SMIM27: variants seen among roughly 807,000 people sequenced by gnomAD.
SMIM27 encodes the protein TOPORS antisense RNA 1 (non-protein coding).
A neutral mutation model predicts 1.8 loss-of-function variants in SMIM27; 3 were observed. That is an observed-to-expected ratio of 1.65 (90% CI 0.75 to 4.28). The LOEUF is 4.28. Among genes scored for constraint, SMIM27 ranks in the 30% most tolerant of loss-of-function variants. SMIM27 has a pLI of 0.02. For synonymous variants in SMIM27, 19 were observed against 13.9 expected (o/e 1.37, Z -0.82); for missense variants, 63 against 37.0 (o/e 1.70, Z -1.83).
Position 32,552,370 on chromosome 9 carries a change from C to T in SMIM27, c.-65C>T, listed in dbSNP as rs1304859451. The T allele has an allele frequency of 7.5e-6, 12 of 1,595,988 alleles. No individual in the cohort carries two copies. In the Admixed American group the frequency reaches 8.7e-5, roughly 12 times the overall value. On this transcript the variant is annotated 5_prime_UTR_variant, in exon 1 of 2. Transcript: ENST00000692500. Reference sequence around the variant, plus strand: ...GCTGCTGGCGCCTGGCAGCCACCGCCTGGGAGGTTACTGTAAGGCCCGCAG... The same window carrying T: ...GCTGCTGGCGCCTGGCAGCCACCGCTTGGGAGGTTACTGTAAGGCCCGCAG...
At chr9:32,557,234 C>T (rs1194493749), downstream of SMIM27, among the ~76,000 whole-genome samples, 1 of 146,728 alleles carries the variant, frequency 6.8e-6, no homozygotes, top group Non-Finnish European at 1.5e-5. Context: ...GCGCAAACTC[C>T]GCACACTGCA....
chr9:32,557,351 T>C (rs1235167629), downstream of SMIM27, among the ~76,000 whole-genome samples: 1 of 151,056 alleles, frequency 6.6e-6, no homozygotes, highest in Admixed American at 6.6e-5. Flanking sequence ...TTTTTTTTAG[T>C]ACAGATGGTG....
chr9:32,565,570 A>G (rs1463402014), intron 1 of SMIM27: 1 of 152,316 alleles, frequency 6.6e-6, no homozygotes, highest in East Asian at 1.9e-4. Flanking sequence ...ACCAGAGAAC[A>G]GAAGAATTCC....
intron 1 of SMIM27, among the ~76,000 whole-genome samples, chr9:32,561,405 G>C (rs1821622353): frequency 1.3e-5 from 2 of 151,534 alleles, no homozygotes; most frequent in African/African-American, 4.9e-5. Context: ...TCGACTCACT[G>C]CAACTTCTGC....
At position 32,552,828 on chromosome 9, in the gene SMIM27, T is replaced by TG. The variant is rs769225212; in HGVS notation, c.77dup (p.Cys27LeufsTer27). On this transcript the variant is annotated frameshift_variant, in exon 2 of 2. Coordinates refer to ENST00000692500, the MANE Select transcript of SMIM27 (RefSeq NM_001387564.1). LOFTEE classifies it low-confidence loss of function (END_TRUNC). ...GCTGCTTGCCATCGTTTTAATCTCC[T>TG]GGGGCTGCATCATCTATGCTTCGAT... is the stretch of plus-strand genomic sequence containing the variant. 4.3e-6 allele frequency: 3 copies of TG among 702,714 alleles called. No individual in the cohort carries two copies. Among genetic ancestry groups the TG allele is most frequent in the Admixed American group, 2.0e-5 (1 of 49,968 alleles). 43.5% of individuals were successfully genotyped at this position (702,714 alleles called of 1,614,324 possible).
Position 32,566,438 on chromosome 9 carries a change from TGATG to T in SMIM27, c.96_99del (p.Asp32GlufsTer18). The T allele has an allele frequency of 1.2e-6, 1 of 828,554 alleles. No individual in the cohort carries two copies. Among genetic ancestry groups the T allele is most frequent in the Non-Finnish European group, 2.2e-6 (1 of 462,340 alleles). 51.3% of individuals were successfully genotyped at this position (828,554 alleles called of 1,614,324 possible). A position where few individuals can be genotyped will look rare whatever the true frequency, so the allele number is the denominator to read the frequency against. On this transcript the variant is annotated frameshift_variant, in exon 2 of 2. Transcript: ENST00000451672. LOFTEE classifies it high-confidence loss of function. ...CTGCTCTCCCTGTTACTGTAGGGGTTGATGGAGTATCTTGACAAGCAGCCGTCCA... is the reference window on the plus strand; with the variant it reads ...CTGCTCTCCCTGTTACTGTAGGGGTTGAGTATCTTGACAAGCAGCCGTCCA...
chr9:32,558,828 A>T, intron 1 of SMIM27: 1 of 971,854 alleles, frequency 1.0e-6, no homozygotes, highest in Non-Finnish European at 1.5e-6. Flanking sequence ...AGAACATTTT[A>T]ATCTAATAAT....
chr9:32,566,815 G>C, exon 2 of SMIM27: 1 of 877,410 alleles, frequency 1.1e-6, no homozygotes, highest in South Asian at 1.3e-5. Context: ...AGCAGTCTCT[G>C]CCTCTGTGGG....
downstream of SMIM27, among the ~76,000 whole-genome samples, chr9:32,556,393 C>T (rs1034466467): frequency 6.6e-6 from 1 of 152,224 alleles, no homozygotes; most frequent in Admixed American, 6.5e-5. Flanking sequence ...ATCTTGGAAC[C>T]TCATATTCGA....
rs551033275 is a variant in SMIM27 at position 32,564,778 on chromosome 9, G to C, written c.46-1613G>C. ...GAGCAGGAGCAGGGTTCAGCTGCCA[G>C]TGCACTGAACAGCTTCCAGTTTCTA... On this transcript the variant is annotated intron_variant, in intron 1 of 1. Coordinates refer to the SMIM27 transcript ENST00000451672. 5.3e-5 allele frequency among the ~76,000 whole-genome samples: 8 copies of C among 152,298 alleles called. No homozygotes were observed. In the South Asian group the frequency reaches 1.4e-3, roughly 28 times the overall value.
intron 1 of SMIM27, among the ~76,000 whole-genome samples, chr9:32,563,614 G>A (rs571236498): frequency 1.5e-4 from 23 of 151,694 alleles, no homozygotes; most frequent in African/African-American, 5.6e-4. Context: ...GTGAGCCACT[G>A]TGCCCAGACT....
rs752272205 is a variant in SMIM27, at chr9:32,552,358, G to C, written c.-77G>C. ...GGCTAAAAGATGGCTGCTGGCGCCTGGCAGCCACCGCCTGGGAGGTTACTG... is the reference window on the plus strand; with the variant it reads ...GGCTAAAAGATGGCTGCTGGCGCCTCGCAGCCACCGCCTGGGAGGTTACTG... On this transcript the variant is annotated 5_prime_UTR_variant, in exon 1 of 2. Transcript: ENST00000692500. 6.3e-6 allele frequency: 10 copies of C among 1,577,074 alleles called. No homozygotes were observed. In the African/African-American group the frequency reaches 6.7e-5, roughly 11 times the overall value.
chr9:32,559,668 C>T (rs547542583), intron 1 of SMIM27, among the ~76,000 whole-genome samples: 1 of 152,200 alleles, frequency 6.6e-6, no homozygotes, highest in South Asian at 2.1e-4. Context: ...TTATGTTTGT[C>T]TTCAAAGATC....
chr9:32,558,710 T>G (rs947953300), intron 1 of SMIM27, among the ~76,000 whole-genome samples: 27 of 152,194 alleles, frequency 1.8e-4, no homozygotes, highest in African/African-American at 6.0e-4. Flanking sequence ...CACTTCCCAT[T>G]TGAACTGTAA....
upstream of SMIM27, chr9:32,552,236 G>T: frequency 1.5e-6 from 1 of 687,002 alleles, no homozygotes; most frequent in Non-Finnish European, 2.5e-6. Context: ...TCTAAAAGGC[G>T]GGCAAGGCCC....
chr9:32,552,759 T>C, intron 1 of SMIM27, 42 bp from the exon 2 acceptor site: 1 of 691,232 alleles, frequency 1.4e-6, no homozygotes, highest in Non-Finnish European at 2.6e-6. Flanking sequence ...CGAGGGGAAA[T>C]ATCAGGTAGA....
In SMIM27 at chr9:32,552,333, G is replaced by C; in HGVS notation, c.-102G>C. The C allele has an allele frequency of 1.3e-6, 2 of 1,526,012 alleles. No homozygotes were observed. Among genetic ancestry groups the C allele is most frequent in the Non-Finnish European group, 1.8e-6 (2 of 1,122,922 alleles). The allele number at this position is 1,526,012 out of a possible 1,614,324, so 94.5% of individuals were successfully genotyped here. ...AGCGAGTGGGCGGGCGCTCGTGCCC[G>C]GCTAAAAGATGGCTGCTGGCGCCTG... On this transcript the variant is annotated 5_prime_UTR_variant, in exon 1 of 2. Transcript: ENST00000692500.
chr9:32,562,335 C>CTTA (rs1821649939), intron 1 of SMIM27, among the ~76,000 whole-genome samples: 1 of 152,148 alleles, frequency 6.6e-6, no homozygotes, highest in Non-Finnish European at 1.5e-5. Context: ...GCTTAATCTG[C>CTTA]TTAGTACACG....
upstream of SMIM27, chr9:32,551,167 A>C: frequency 1.5e-6 from 1 of 660,492 alleles, no homozygotes; most frequent in Non-Finnish European, 2.7e-6. Flanking sequence ...ACCCCGGAGG[A>C]GGGCAGCGCG....
Sources: allele counts gnomAD v4.1 joint callset (sites outside exome capture counted in the v4.1 genomes callset), GRCh38; gene constraint gnomAD v4.1.1; transcripts MANE v1.5; gene names NCBI Gene and HGNC (gene_info 2026-07-23, HGNC 2026-07-21).